SLCO3A1: variants seen among roughly 807,000 people sequenced by gnomAD.
The protein encoded by SLCO3A1 is solute carrier organic anion transporter family member 3A1.
A neutral mutation model predicts 63.1 loss-of-function variants in SLCO3A1; 27 were observed. The ratio of observed to expected loss-of-function variants is 0.43; its 90% confidence interval spans 0.32 to 0.59. The LOEUF (loss-of-function observed/expected upper bound fraction) is 0.59, where lower values mean the gene tolerates loss of function less well. Among genes scored for constraint, SLCO3A1 ranks in the 20% least tolerant of loss-of-function variants. SLCO3A1 has a pLI of 0.09. For missense variants in SLCO3A1, 773 were observed against 945.8 expected (o/e 0.82, Z 2.40); for synonymous variants, 473 against 409.9 (o/e 1.15, Z -1.86).
In SLCO3A1 at chr15:91,856,668, G is replaced by A. The variant is rs555974687; in HGVS notation, c.180+2580G>A. 4.6e-5 allele frequency among the ~76,000 whole-genome samples: 7 copies of A among 152,264 alleles called. No homozygotes were observed. The South Asian group carries it at 6.2e-4, about 14-fold the overall frequency. ...TAGGGGACCACAGGGCAGGGTCCAC[G>A]TGCTAAGTGTGCGTTATACGTGATC... On this transcript the variant is annotated intron_variant, in intron 1 of 9. Transcript: ENST00000318445. This position sits in a 1 kb window ranked among gnomAD's most constrained non-coding sequence, Gnocchi z 4.9.
chr15:92,108,046 A>G (rs887406291), intron 4 of SLCO3A1, among the ~76,000 whole-genome samples: 1 of 152,244 alleles, frequency 6.6e-6, no homozygotes, highest in African/African-American at 2.4e-5. Context: ...CCCTAAAAAA[A>G]GCGGGCTGCA....
chr15:92,087,511 C>CTTTTT (rs1393268848), intron 2 of SLCO3A1, among the ~76,000 whole-genome samples: 1 of 144,310 alleles, frequency 6.9e-6, no homozygotes, highest in African/African-American at 2.7e-5. Context: ...CTTTTATTAT[C>CTTTTT]TATTATTTTT....
At chr15:92,126,440 A>G (rs2047924862) in intron 6 of SLCO3A1, among the ~76,000 whole-genome samples, 181 bp downstream of exon 6, 1 of 152,104 alleles carries the variant, frequency 6.6e-6, no homozygotes, top group African/African-American at 2.4e-5. Flanking sequence ...GAGAAAGCAG[A>G]CCTTTCCACT....
chr15:91,868,646 G>C (rs761889214), intron 1 of SLCO3A1, among the ~76,000 whole-genome samples: 2 of 151,984 alleles, frequency 1.3e-5, no homozygotes, highest in African/African-American at 4.8e-5. Context: ...GTGTGGCTTT[G>C]GGCATTTAGC....
chr15:91,914,168 A>G (rs1233073576), intron 1 of SLCO3A1, among the ~76,000 whole-genome samples: 1 of 152,190 alleles, frequency 6.6e-6, no homozygotes, highest in African/African-American at 2.4e-5. Context: ...CTAACGCGCA[A>G]AGTAACTTGG....
intron 2 of SLCO3A1, among the ~76,000 whole-genome samples, chr15:92,093,610 A>C (rs1048531250): frequency 4.6e-5 from 7 of 152,140 alleles, no homozygotes; most frequent in African/African-American, 1.7e-4. Context: ...CCCCACCTCA[A>C]GTCAATGAAT....
chr15:91,871,191 T>C (rs1897271419), intron 1 of SLCO3A1, among the ~76,000 whole-genome samples: 1 of 152,224 alleles, frequency 6.6e-6, no homozygotes, highest in Non-Finnish European at 1.5e-5. Context: ...GTTTGAAGGC[T>C]GGTTTTTTGT....
chr15:92,157,810 G>A (rs1005461605), intron 9 of SLCO3A1, among the ~76,000 whole-genome samples: 1 of 152,156 alleles, frequency 6.6e-6, no homozygotes, highest in Non-Finnish European at 1.5e-5. Context: ...ACCCTGTGAG[G>A]GCTTTCTCAA....
chr15:91,992,189 G>T (rs996498868), intron 2 of SLCO3A1, among the ~76,000 whole-genome samples: 3 of 152,188 alleles, frequency 2.0e-5, no homozygotes, highest in African/African-American at 7.2e-5. Flanking sequence ...TGAGTGTTTT[G>T]TCTATAAGCA....
At chr15:91,969,320 T>C (rs112494592) in intron 2 of SLCO3A1, among the ~76,000 whole-genome samples, 1 of 151,852 alleles carries the variant, frequency 6.6e-6, no homozygotes, top group Non-Finnish European at 1.5e-5. Context: ...ATTTTTTTTT[T>C]TTTGAGATGA....
chr15:91,994,881 C>T (rs1395895522), intron 2 of SLCO3A1, among the ~76,000 whole-genome samples: 1 of 152,204 alleles, frequency 6.6e-6, no homozygotes, highest in Non-Finnish European at 1.5e-5. Context: ...TGCCTGGATG[C>T]TGCTGCTGTC....
chr15:92,034,150 G>A (rs1183397880), intron 2 of SLCO3A1, among the ~76,000 whole-genome samples: 2 of 151,606 alleles, frequency 1.3e-5, no homozygotes, highest in Non-Finnish European at 3.0e-5. Flanking sequence ...AGGAAAGTGG[G>A]GGCTGTATGC....
chr15:92,025,695 T>C lies in SLCO3A1; in HGVS notation c.647-69186T>C, dbSNP rs893714959. The stretch of plus-strand genomic sequence containing the variant: ...TTCCCCAACCATTCCCGTAGCTGTC[T>C]CTATGAGTTTAGTGTTAAACTGGGA... On this transcript the variant is annotated intron_variant, in intron 2 of 9. Transcript: ENST00000318445. Among the ~76,000 whole-genome samples, 3 of 152,338 alleles carry C rather than the reference T, an allele frequency of 2.0e-5. No individual in the cohort carries two copies. In the East Asian group the frequency reaches 5.8e-4, roughly 29 times the overall value.
intron 2 of SLCO3A1, among the ~76,000 whole-genome samples, chr15:91,974,013 G>A (rs1005778343): frequency 6.6e-6 from 1 of 152,030 alleles, no homozygotes; most frequent in African/African-American, 2.4e-5. Flanking sequence ...CAGGCCTATT[G>A]GTACCTGTTC....
At position 91,968,344 on chromosome 15, in the gene SLCO3A1, G is replaced by A. The variant is rs952623978; in HGVS notation, c.646+51886G>A. Among the ~76,000 whole-genome samples the A allele has an allele frequency of 6.6e-6, 1 of 152,064 alleles. No individual in the cohort carries two copies. The highest frequency in any genetic ancestry group is 1.5e-5 in the Non-Finnish European group (1 of 68,030). ...TTAAAATGACTTTCTAGTCTCCTGC[G>A]AGCTTTCTCTCAAGTAGATTCTGCT... On this transcript the variant is annotated intron_variant, in intron 2 of 9. Transcript: ENST00000318445. The surrounding 1 kb of genome is among the most constrained non-coding windows in gnomAD (Gnocchi z 4.2).
chr15:91,923,213 T>A (rs1898905633), intron 2 of SLCO3A1, among the ~76,000 whole-genome samples: 1 of 152,230 alleles, frequency 6.6e-6, no homozygotes, highest in South Asian at 2.1e-4. Flanking sequence ...GATCAGTAAA[T>A]GCTGCCCTTT....
intron 1 of SLCO3A1, among the ~76,000 whole-genome samples, chr15:91,915,398 G>A (rs1333076544): frequency 6.6e-6 from 1 of 152,192 alleles, no homozygotes; most frequent in Non-Finnish European, 1.5e-5. Flanking sequence ...GTATTTACCT[G>A]ATGGCCTCTG....
chr15:92,112,343 TATGA>T (rs1485206082), intron 4 of SLCO3A1, among the ~76,000 whole-genome samples: 1 of 152,206 alleles, frequency 6.6e-6, no homozygotes, highest in African/African-American at 2.4e-5. Flanking sequence ...TTTGTGAAAT[TATGA>T]ATGAGTTATT....
rs961068317 is a variant in SLCO3A1 at position 92,033,524 on chromosome 15, G to A, written c.647-61357G>A. ...CAAAGGAGAACGAGGGAGGAGCAGA[G>A]GGTGACTTCCAGCTGGGACTGGCAT... On this transcript the variant is annotated intron_variant, in intron 2 of 9. Coordinates refer to ENST00000318445, the MANE Select transcript of SLCO3A1 (RefSeq NM_013272.4). This position sits in a 1 kb window ranked among gnomAD's most constrained non-coding sequence, Gnocchi z 4.5. Among the ~76,000 whole-genome samples, 4 of 152,152 alleles carry A rather than the reference G, an allele frequency of 2.6e-5. No individual in the cohort carries two copies. The highest frequency in any genetic ancestry group is 5.9e-5 in the Non-Finnish European group (4 of 68,020).
Sources: allele counts gnomAD v4.1 joint callset (sites outside exome capture counted in the v4.1 genomes callset), GRCh38; gene constraint gnomAD v4.1.1; non-coding constraint Gnocchi (gnomAD v3.1); transcripts MANE v1.5; gene names NCBI Gene and HGNC (gene_info 2026-07-23, HGNC 2026-07-21).